The following NFIC variants were observed in gnomAD, a reference collection of about 807,000 sequenced individuals.
NFIC encodes nuclear factor 1 C-type.
A neutral mutation model predicts 54.4 loss-of-function variants in NFIC; 12 were observed. The ratio of observed to expected loss-of-function variants is 0.22; its 90% confidence interval spans 0.14 to 0.36. The LOEUF (loss-of-function observed/expected upper bound fraction) is 0.36. NFIC is among the 10% of genes least tolerant of loss of function. The pLI is 1.00. For missense variants in NFIC, 575 were observed against 718.2 expected (o/e 0.80, Z 2.28); for synonymous variants, 322 against 319.2 (o/e 1.01, Z -0.09).
At chr19:3,397,445 AGGCT>A (rs1568420518) in intron 2 of NFIC, among the ~76,000 whole-genome samples, 4 of 152,196 alleles carry the variant, frequency 2.6e-5, no homozygotes, top group African/African-American at 9.6e-5. Flanking sequence ...GGCTGCAGCC[AGGCT>A]GGGGGCTGGG....
intron 4 of NFIC, 152 bp downstream of exon 4, chr19:3,433,744 C>T: frequency 1.2e-6 from 1 of 840,262 alleles, no homozygotes; most frequent in Non-Finnish European, 1.9e-6. Context: ...GGTGGCCAGG[C>T]CCTTCCCAGA....
At chr19:3,450,100 C>T (rs2082436510) in intron 7 of NFIC, among the ~76,000 whole-genome samples, 2 of 152,096 alleles carry the variant, frequency 1.3e-5, no homozygotes. Flanking sequence ...AATCCCAGCA[C>T]TTTGGGATTT....
chr19:3,363,474 G>A (rs569838919), upstream of NFIC, among the ~76,000 whole-genome samples: 238 of 151,682 alleles, frequency 1.6e-3, no homozygotes, highest in Non-Finnish European at 2.9e-3. Context: ...GTTTCGCCAT[G>A]TTGGCCAGGC....
chr19:3,430,140 G>T (rs1345683285), intron 3 of NFIC, among the ~76,000 whole-genome samples: 3 of 151,972 alleles, frequency 2.0e-5, no homozygotes, highest in African/African-American at 7.3e-5. Context: ...CTTTTAATTT[G>T]TAGTAAAATG....
upstream of NFIC, among the ~76,000 whole-genome samples, chr19:3,366,292 C>T (rs1242880647): frequency 6.7e-6 from 1 of 150,228 alleles, no homozygotes; most frequent in Non-Finnish European, 1.5e-5. Flanking sequence ...CTCGCTCGCG[C>T]CCTTTTTTCC....
chr19:3,381,599 T>G (rs1035031950), intron 1 of NFIC, 113 bp from the exon 2 acceptor site: 1 of 1,431,516 alleles, frequency 7.0e-7, no homozygotes, highest in African/African-American at 1.4e-5. Context: ...GCCCAGCCCC[T>G]CCCACTCTGC....
Position 3,434,187 on chromosome 19 carries a change from C to T in NFIC, c.710-90C>T. 4.6e-6 allele frequency: 7 copies of T among 1,508,598 alleles called. No homozygotes were observed. In the South Asian group the frequency reaches 7.8e-5, roughly 17 times the overall value. 93.5% of individuals were successfully genotyped at this position (1,508,598 alleles called of 1,614,324 possible). A position where few individuals can be genotyped will look rare whatever the true frequency, so the allele number is the denominator to read the frequency against. On this transcript the variant is annotated intron_variant, in intron 4 of 10. Transcript: ENST00000443272. ...TATGGGAAGGGGGTCCCCCTTTGGA[C>T]TGCACCCAGTGGCTTTCCCTACCTC...
chr19:3,441,521 G>A (rs1159095274), intron 6 of NFIC, among the ~76,000 whole-genome samples: 3 of 152,256 alleles, frequency 2.0e-5, no homozygotes, highest in South Asian at 2.1e-4. Flanking sequence ...GGCCTGCATC[G>A]GTAAACATTT....
Position 3,464,525 on chromosome 19 carries a change from G to A in NFIC, c.*1756G>A, listed in dbSNP as rs6510757. The A allele has an allele frequency of 0.19, 71,824 of 372,984 alleles. 4,200 individuals are homozygous for A. The highest frequency in any genetic ancestry group is 0.46 in the African/African-American group (14,820 of 32,252). 23.1% of individuals were successfully genotyped at this position (372,984 alleles called of 1,614,324 possible). A position where few individuals can be genotyped will look rare whatever the true frequency, so the allele number is the denominator to read the frequency against. On this transcript the variant is annotated 3_prime_UTR_variant, in exon 11 of 11. Coordinates refer to ENST00000443272, the MANE Select transcript of NFIC (RefSeq NM_001245002.2). ...AGCTCAAACACAAGGACCCCTCCCC[G>A]GCCCACCCAGCCCAGCCCCAACTGA...
chr19:3,420,695 G>A (rs2081940587), intron 2 of NFIC, among the ~76,000 whole-genome samples: 1 of 152,020 alleles, frequency 6.6e-6, no homozygotes, highest in Non-Finnish European at 1.5e-5. Context: ...TGGCAGCCAT[G>A]GTTCTGGGAG....
chr19:3,464,457 A>G lies in NFIC; in HGVS notation c.*1688A>G, dbSNP rs1186148618. 2 of 973,802 alleles carry G rather than the reference A, an allele frequency of 2.1e-6. No homozygotes were observed. Among genetic ancestry groups the G allele is most frequent in the Non-Finnish European group, 2.4e-6 (2 of 827,650 alleles). 60.3% of individuals were successfully genotyped at this position (973,802 alleles called of 1,614,324 possible). On this transcript the variant is annotated 3_prime_UTR_variant, in exon 11 of 11. Transcript: ENST00000443272. ...CCCCCACCCCAGGATCGCCATCTTT[A>G]GGGGAGGCCTGGGAGGGGGTGTTAG... is the stretch of plus-strand genomic sequence containing the variant.
chr19:3,433,111 C>T (rs73523807), intron 3 of NFIC, among the ~76,000 whole-genome samples: 23,854 of 152,124 alleles, frequency 0.16, 2,005 homozygotes, highest in Middle Eastern at 0.24. Context: ...ACTACAGGCA[C>T]GGACCACAAC....
intron 7 of NFIC, 130 bp downstream of exon 7, chr19:3,449,269 CAT>C (rs944668689): frequency 7.3e-7 from 1 of 1,376,590 alleles, no homozygotes; most frequent in Non-Finnish European, 9.6e-7. Flanking sequence ...GGCAAAAAAC[CAT>C]AGAGGTGCCG....
At position 3,378,905 on chromosome 19, in the gene NFIC, G is replaced by A. The variant is rs148989219; in HGVS notation, c.31-2807G>A. Among the ~76,000 whole-genome samples the A allele has an allele frequency of 2.6e-5, 4 of 152,226 alleles. No homozygotes were observed. The East Asian group carries it at 7.7e-4, about 29-fold the overall frequency. ...TCTCCTCCCTCTGATTAATCCTGGT[G>A]CACTTGAATCTCTTATCTTTTGATG... On this transcript the variant is annotated intron_variant, in intron 1 of 10. Transcript: ENST00000443272.
chr19:3,440,813 G>A (rs2082282598), intron 6 of NFIC, among the ~76,000 whole-genome samples: 2 of 152,138 alleles, frequency 1.3e-5, no homozygotes, highest in African/African-American at 2.4e-5. Context: ...GAGCCACTGC[G>A]CCTGGCCTTT....
chr19:3,463,935 T>G lies in NFIC; in HGVS notation c.*1166T>G. 1 of 889,398 alleles carries G rather than the reference T, an allele frequency of 1.1e-6. No individual in the cohort carries two copies. The highest frequency in any genetic ancestry group is 5.5e-5 in the South Asian group (1 of 18,220). The allele number at this position is 889,398 out of a possible 1,614,324, so 55.1% of individuals were successfully genotyped here. On this transcript the variant is annotated 3_prime_UTR_variant, in exon 11 of 11. Coordinates refer to ENST00000443272, the MANE Select transcript of NFIC (RefSeq NM_001245002.2). The stretch of plus-strand genomic sequence containing the variant: ...CCCCTCCAGCCTCTCCACCAGCCCC[T>G]CCAGTCAACCCTCATCGCCGTGCCC...
intron 6 of NFIC, among the ~76,000 whole-genome samples, chr19:3,447,102 C>A (rs1374355150): frequency 1.3e-5 from 2 of 152,068 alleles, no homozygotes; most frequent in African/African-American, 2.4e-5. Flanking sequence ...AGTTTGAGAC[C>A]AGCCTGGCCA....
chr19:3,385,782 G>A (rs1053206869), intron 2 of NFIC, among the ~76,000 whole-genome samples: 2 of 151,962 alleles, frequency 1.3e-5, no homozygotes, highest in African/African-American at 4.8e-5. Flanking sequence ...ATGTTGGCCA[G>A]GCTGGTCTCC....
chr19:3,431,904 C>T (rs1307954844), intron 3 of NFIC, among the ~76,000 whole-genome samples: 2 of 152,184 alleles, frequency 1.3e-5, no homozygotes, highest in Non-Finnish European at 2.9e-5. Flanking sequence ...CCAGTTTGAG[C>T]TGTGGTGAAC....
Sources: gnomAD v4.1 joint callset for allele counts (sites outside exome capture counted in the v4.1 genomes callset) on GRCh38, gnomAD v4.1.1 for gene constraint, MANE v1.5 for transcripts, NCBI Gene and HGNC (gene_info 2026-07-23, HGNC 2026-07-21) for gene names.